The following HIP1 variants were observed in gnomAD, a reference collection of about 807,000 sequenced individuals.
HIP1 encodes the protein huntingtin interacting protein 1, also known as huntingtin-interacting protein 1.
A neutral mutation model predicts 147.6 loss-of-function variants in HIP1; 65 were observed. That is an observed-to-expected ratio of 0.44 (90% CI 0.36 to 0.54). The LOEUF is 0.54. HIP1 is among the 20% of genes least tolerant of loss of function. The pLI, the probability that HIP1 is intolerant of heterozygous loss-of-function variation, is 0.00. For synonymous variants in HIP1, 479 were observed against 504.0 expected (o/e 0.95, Z 0.67); for missense variants, 1,061 against 1,299.6 (o/e 0.82, Z 2.82).
intron 1 of HIP1, among the ~76,000 whole-genome samples, chr7:75,653,549 G>C (rs555598446): frequency 8.6e-5 from 13 of 151,994 alleles, no homozygotes; most frequent in Non-Finnish European, 1.5e-4. Flanking sequence ...AGCTAATCAG[G>C]AGGCTGAGGC....
At chr7:75,595,657 G>A (rs1156970856) in intron 2 of HIP1, among the ~76,000 whole-genome samples, 2 of 151,836 alleles carry the variant, frequency 1.3e-5, no homozygotes, top group Admixed American at 6.6e-5. Context: ...GTGTAGGAGC[G>A]ATTTCTGAAA....
At chr7:75,578,407 G>T (rs1335368290) in intron 7 of HIP1, among the ~76,000 whole-genome samples, 1 of 152,288 alleles carries the variant, frequency 6.6e-6, no homozygotes, top group South Asian at 2.1e-4. Context: ...TGGGCGTGGT[G>T]GCTCATGCCA....
chr7:75,699,346 G>A, intron 1 of HIP1, among the ~76,000 whole-genome samples: 1 of 152,030 alleles, frequency 6.6e-6, no homozygotes, highest in South Asian at 2.1e-4. Context: ...TTTTTATATA[G>A]CTCACTCCCA....
intron 1 of HIP1, among the ~76,000 whole-genome samples, chr7:75,615,991 C>A (rs1797639644): frequency 7.1e-6 from 1 of 141,818 alleles, no homozygotes; most frequent in Admixed American, 7.4e-5. Context: ...CAGGCTGAGG[C>A]AGGAGAATCG....
At chr7:75,597,064 C>T (rs1796774101) in intron 2 of HIP1, among the ~76,000 whole-genome samples, 1 of 152,132 alleles carries the variant, frequency 6.6e-6, no homozygotes, top group East Asian at 1.9e-4. Flanking sequence ...TTTGAATCAT[C>T]GCAAGGGTAC....
chr7:75,584,061 A>G (rs1796161444), intron 5 of HIP1, among the ~76,000 whole-genome samples: 1 of 151,288 alleles, frequency 6.6e-6, no homozygotes, highest in Admixed American at 6.6e-5. Flanking sequence ...CTTGGGTTCA[A>G]GCGATTCTCC....
chr7:75,705,154 T>A (rs1800948567), intron 1 of HIP1, among the ~76,000 whole-genome samples: 1 of 152,038 alleles, frequency 6.6e-6, no homozygotes, highest in African/African-American at 2.4e-5. Flanking sequence ...TGAAACTCTA[T>A]CCTATTAAAC....
In HIP1 at chr7:75,668,984, G is replaced by A. The variant is rs575101975; in HGVS notation, c.121-69737C>T. Among the ~76,000 whole-genome samples the A allele has an allele frequency of 4.0e-5, 6 of 150,730 alleles. No homozygotes were observed. In the South Asian group the frequency reaches 8.5e-4, roughly 21 times the overall value. On this transcript the variant is annotated intron_variant, in intron 1 of 30. Coordinates refer to ENST00000336926, the MANE Select transcript of HIP1 (RefSeq NM_005338.7). ...TGTAATCCCAGCACTTTGGGAGGCC[G>A]AGGCGGGCAGATCACTTGAAGTCAG...
At chr7:75,545,506 G>T (rs1293641381) in intron 25 of HIP1, among the ~76,000 whole-genome samples, 3 of 152,126 alleles carry the variant, frequency 2.0e-5, no homozygotes, top group African/African-American at 7.2e-5. Context: ...GCTAGGTGTG[G>T]TGGTGGGTGC....
chr7:75,562,814 G>T, intron 11 of HIP1, 121 bp downstream of exon 11: 1 of 978,916 alleles, frequency 1.0e-6, no homozygotes, highest in Non-Finnish European at 1.5e-6. Context: ...GGTGCTAGGT[G>T]AATGAAGAGA....
intron 1 of HIP1, among the ~76,000 whole-genome samples, chr7:75,667,031 G>A (rs1799585475): frequency 6.6e-6 from 1 of 152,172 alleles, no homozygotes; most frequent in South Asian, 2.1e-4. Flanking sequence ...GTATGTATAG[G>A]CAGACACTGG....
intron 1 of HIP1, among the ~76,000 whole-genome samples, chr7:75,674,491 G>A (rs972105589): frequency 1.3e-4 from 11 of 85,972 alleles, no homozygotes; most frequent in African/African-American, 4.7e-4. Flanking sequence ...TAAACTCTGC[G>A]GCTTTTTGTT....
Position 75,664,153 on chromosome 7 carries a change from TG to T in HIP1, c.121-64907del, listed in dbSNP as rs1799450696. Reference sequence around the variant, plus strand: ...ACATGTGTGTACATACATACATGTATGTGTGTATATTTACATACATATATGT... The same window carrying T: ...ACATGTGTGTACATACATACATGTATTGTGTATATTTACATACATATATGT... On this transcript the variant is annotated intron_variant, in intron 1 of 30. Coordinates refer to ENST00000336926, the MANE Select transcript of HIP1 (RefSeq NM_005338.7). 1.8e-4 allele frequency among the ~76,000 whole-genome samples: 8 copies of T among 45,070 alleles called. 2 individuals are homozygous for T. The highest frequency in any genetic ancestry group is 3.1e-4 in the Non-Finnish European group (7 of 22,802). The allele number at this position is 45,070 out of a possible 152,430, so 29.6% of individuals were successfully genotyped here.
chr7:75,723,132 C>A (rs1020666031), intron 1 of HIP1, among the ~76,000 whole-genome samples: 17 of 152,030 alleles, frequency 1.1e-4, no homozygotes, highest in African/African-American at 4.1e-4. Flanking sequence ...TATTGGGAGG[C>A]CGAGGTGGGC....
chr7:75,672,846 G>A (rs112054265), intron 1 of HIP1, among the ~76,000 whole-genome samples: 2 of 152,128 alleles, frequency 1.3e-5, no homozygotes, highest in Non-Finnish European at 2.9e-5. Context: ...GTTAATTTTT[G>A]TGTATAGCGT....
chr7:75,563,624 G>A (rs1795308481), intron 9 of HIP1, among the ~76,000 whole-genome samples: 1 of 152,224 alleles, frequency 6.6e-6, no homozygotes, highest in Non-Finnish European at 1.5e-5. Flanking sequence ...CTGAGGATAA[G>A]CCATCTAACC....
At position 75,568,681 on chromosome 7, in the gene HIP1, C is replaced by T. The variant is rs183233828; in HGVS notation, c.746-425G>A. Among the ~76,000 whole-genome samples the T allele has an allele frequency of 3.9e-5, 6 of 152,304 alleles. No individual in the cohort carries two copies. In the East Asian group the frequency reaches 1.2e-3, roughly 29 times the overall value. On this transcript the variant is annotated intron_variant, in intron 8 of 30. Coordinates refer to ENST00000336926, the MANE Select transcript of HIP1 (RefSeq NM_005338.7). The surrounding 1 kb of genome is among the most constrained non-coding windows in gnomAD (Gnocchi z 4.1). ...TTAGTCTGGAAGAGATCCGCAGAAC[C>T]TGCCCAAGAGGATGGCTGTCAGAAG...
chr7:75,684,858 G>A (rs1426215805), intron 1 of HIP1, among the ~76,000 whole-genome samples: 6 of 152,214 alleles, frequency 3.9e-5, no homozygotes, highest in Middle Eastern at 6.8e-3. Context: ...TTGGGAGGCC[G>A]AGAAAGGCGG....
At chr7:75,539,203 A>G (rs1184245258) in intron 30 of HIP1, 120 bp downstream of exon 30, 1 of 691,900 alleles carries the variant, frequency 1.4e-6, no homozygotes, top group Admixed American at 2.3e-5. Context: ...AGGAGAGAAG[A>G]GAAGGAAGAA....
Sources: gnomAD v4.1 joint callset for allele counts (sites outside exome capture counted in the v4.1 genomes callset) on GRCh38, gnomAD v4.1.1 for gene constraint, Gnocchi (gnomAD v3.1) non-coding constraint, MANE v1.5 for transcripts, NCBI Gene and HGNC (gene_info 2026-07-23, HGNC 2026-07-21) for gene names.